GOT2: variants seen among roughly 807,000 people sequenced by gnomAD.
GOT2 encodes the protein glutamic-oxaloacetic transaminase 2.
GOT2 carries 17 observed loss-of-function variants against 50.0 expected under a neutral mutation model. The ratio of observed to expected loss-of-function variants is 0.34; its 90% CI spans 0.23 to 0.51. The LOEUF is 0.51. GOT2 is among the 20% of genes least tolerant of loss of function. The pLI, the probability that GOT2 is intolerant of heterozygous loss-of-function variation, is 0.97. For synonymous variants in GOT2, 172 were observed against 204.9 expected (o/e 0.84, Z 1.37); for missense variants, 430 against 559.6 (o/e 0.77, Z 2.34).
intron 8 of GOT2, 41 bp from the exon 9 acceptor site, chr16:58,709,608 A>G: frequency 6.4e-7 from 1 of 1,568,268 alleles, no homozygotes; most frequent in Non-Finnish European, 8.7e-7. Context: ...CTGCCTAAGC[A>G]CTGACCGATA....
intron 8 of GOT2, among the ~76,000 whole-genome samples, chr16:58,710,967 CAAAAA>C (rs35679170): frequency 5.5e-5 from 4 of 73,038 alleles, no homozygotes; most frequent in Non-Finnish European, 9.7e-5. Flanking sequence ...GACTCTGTCT[CAAAAA>C]AAAAAAAAAA....
chr16:58,719,970 G>C (rs1197606924), intron 3 of GOT2, among the ~76,000 whole-genome samples: 1 of 152,106 alleles, frequency 6.6e-6, no homozygotes, highest in Non-Finnish European at 1.5e-5. Flanking sequence ...GGGAGGCCGA[G>C]GTGGACGTAT....
intron 1 of GOT2, among the ~76,000 whole-genome samples, chr16:58,732,215 G>A (rs2044839667): frequency 6.6e-6 from 1 of 152,082 alleles, no homozygotes; most frequent in Admixed American, 6.5e-5. Flanking sequence ...TGAAGCAGGA[G>A]GACCACTTGA....
intron 8 of GOT2, among the ~76,000 whole-genome samples, chr16:58,714,606 T>G (rs1024036337): frequency 3.3e-5 from 5 of 151,342 alleles, no homozygotes; most frequent in Non-Finnish European, 7.4e-5. Context: ...TGATCCCAGC[T>G]ACTCGGGAGG....
chr16:58,710,967 CAAAA>C (rs35679170), intron 8 of GOT2, among the ~76,000 whole-genome samples: 1 of 73,034 alleles, frequency 1.4e-5, no homozygotes, highest in Non-Finnish European at 2.4e-5. Flanking sequence ...GACTCTGTCT[CAAAA>C]AAAAAAAAAA....
intron 3 of GOT2, among the ~76,000 whole-genome samples, chr16:58,721,284 C>T (rs1174354633): frequency 6.6e-6 from 1 of 152,170 alleles, no homozygotes; most frequent in Non-Finnish European, 1.5e-5. Flanking sequence ...TACAAATGCA[C>T]TCACTAAAAA....
At chr16:58,711,614 T>A (rs1004293098) in intron 8 of GOT2, among the ~76,000 whole-genome samples, 2 of 152,252 alleles carry the variant, frequency 1.3e-5, no homozygotes, top group African/African-American at 2.4e-5. Context: ...ATTGGGCACT[T>A]GTGCCTAAAA....
At chr16:58,709,970 T>G (rs1305796873) in intron 8 of GOT2, among the ~76,000 whole-genome samples, 1 of 152,232 alleles carries the variant, frequency 6.6e-6, no homozygotes, top group Admixed American at 6.5e-5. Flanking sequence ...TTGTGTTAGA[T>G]GATTTTGCTT....
intron 3 of GOT2, 91 bp from the exon 4 acceptor site, chr16:58,719,346 C>T: frequency 1.2e-6 from 1 of 802,334 alleles, no homozygotes; most frequent in East Asian, 2.5e-5. Context: ...ACCTTTCATA[C>T]TTCAGAAGCT....
chr16:58,714,483 C>T (rs1276139251), intron 8 of GOT2, among the ~76,000 whole-genome samples: 5 of 149,562 alleles, frequency 3.3e-5, no homozygotes, highest in East Asian at 2.0e-4. Context: ...ACCCGGGAGG[C>T]GGAGCTTGCA....
At chr16:58,731,442 T>A (rs1180212891) in intron 1 of GOT2, among the ~76,000 whole-genome samples, 2 of 152,214 alleles carry the variant, frequency 1.3e-5, no homozygotes, top group Non-Finnish European at 2.9e-5. Context: ...CTGTGCCTGG[T>A]CTGTGATCTT....
In GOT2 at chr16:58,718,629, G is replaced by A; in HGVS notation, c.495C>T (p.His165=). Residue 165 remains histidine (H), a synonymous_variant, in exon 5 of 10, where the codon CAC becomes CAT. Coordinates refer to ENST00000245206, the MANE Select transcript of GOT2 (RefSeq NM_002080.4). ...TGCCAGCATCCCTGAAGATGGGTGT[G>A]TGGTTTCCCCAGGTTGGTTTGGGCA... ...VFLPKPTWGN[H]TPIFRDAGMQ... 6.2e-7 allele frequency: 1 copy of A among 1,610,224 alleles called. No homozygotes were observed. Among genetic ancestry groups the A allele is most frequent in the Non-Finnish European group, 8.5e-7 (1 of 1,177,784 alleles).
Position 58,708,243 on chromosome 16 carries a change from G to A in GOT2, c.1221C>T (p.Arg407=). 1.2e-6 allele frequency: 2 copies of A among 1,614,100 alleles called. No homozygotes were observed. The highest frequency in any genetic ancestry group is 1.7e-6 in the Non-Finnish European group (2 of 1,179,946). The part of the protein sequence containing the change: ...EFSIYMTKDG[R]ISVAGVTSSN... ...TGGAGGTGACCCCTGCCACAGAGAT[G>A]CGGCCATCTTTTGTCATGTAGATGG... The change falls in exon 10 of 10, where the codon CGC becomes CGT. Residue 407 remains arginine (R), a synonymous_variant. Coordinates refer to ENST00000245206, the MANE Select transcript of GOT2 (RefSeq NM_002080.4).
intron 4 of GOT2, 23 bp from the exon 5 acceptor site, chr16:58,718,711 A>G (rs1048597167): frequency 1.3e-6 from 2 of 1,537,746 alleles, no homozygotes; most frequent in African/African-American, 2.8e-5. Context: ...ACGAAAGGAA[A>G]CAGAAAAATG....
intron 6 of GOT2, among the ~76,000 whole-genome samples, chr16:58,717,299 C>T (rs1344260413): frequency 3.9e-5 from 6 of 151,944 alleles, no homozygotes; most frequent in African/African-American, 9.7e-5. Flanking sequence ...ATTGTTTGAG[C>T]CCTGGAGGTA....
At chr16:58,726,438 C>T (rs555094141) in intron 1 of GOT2, among the ~76,000 whole-genome samples, 2 of 152,044 alleles carry the variant, frequency 1.3e-5, no homozygotes, top group South Asian at 4.2e-4. Context: ...CCCACCTCGG[C>T]CCCCCAAAGT....
At chr16:58,724,044 C>T (rs2044762861) in intron 1 of GOT2, 142 bp from the exon 2 acceptor site, 2 of 623,646 alleles carry the variant, frequency 3.2e-6, no homozygotes, top group Non-Finnish European at 5.2e-6. Flanking sequence ...GCGTTTGCCT[C>T]CTGGGCTCAA....
At chr16:58,716,846 G>A (rs769819799) in intron 6 of GOT2, 33 bp from the exon 7 acceptor site, 6 of 1,609,768 alleles carry the variant, frequency 3.7e-6, no homozygotes, top group Non-Finnish European at 2.5e-6. Context: ...AGCTTTAGCA[G>A]TCTTTCTGAA....
intron 3 of GOT2, chr16:58,721,523 G>A (rs1047879852): frequency 1.3e-5 from 2 of 152,142 alleles, no homozygotes; most frequent in African/African-American, 4.8e-5. Flanking sequence ...ACTCGGCATA[G>A]TTAACATTTC....
Sources: gnomAD v4.1 joint callset for allele counts (sites outside exome capture counted in the v4.1 genomes callset) on GRCh38, gnomAD v4.1.1 for gene constraint, MANE v1.5 for transcripts, NCBI Gene and HGNC (gene_info 2026-07-23, HGNC 2026-07-21) for gene names.